TLN2: variants seen among roughly 807,000 people sequenced by gnomAD.
TLN2 encodes talin 2.
Under a neutral mutation model 294.7 loss-of-function variants are expected in TLN2, and 118 were observed. That is an observed-to-expected ratio of 0.40 (90% CI 0.34 to 0.47). TLN2 has a LOEUF of 0.47. Ranked by LOEUF, TLN2 falls within the 20% of genes least tolerant of loss-of-function variation. The pLI, the probability that TLN2 is intolerant of heterozygous loss-of-function variation, is 0.84. For synonymous variants in TLN2, 1,431 were observed against 1,304.5 expected, an observed-to-expected ratio of 1.10 and a Z score of -2.09; for missense variants, 3,083 against 3,282.2, an observed-to-expected ratio of 0.94 and a Z score of 1.48.
At position 62,655,590 on chromosome 15, in the gene TLN2, TGTCACCGTGGG is replaced by T. The variant is rs2053123605; in HGVS notation, c.518-353_518-343del. On this transcript the variant is annotated intron_variant, in intron 7 of 58. Coordinates refer to ENST00000636159, the MANE Select transcript of TLN2 (RefSeq NM_015059.3). ...CATATTATACATTCATTGTAGCACA[TGTCACCGTGGG>T]TTGGCTGGCACTGTCCCCTGCTCCA... Among the ~76,000 whole-genome samples, 2 of 11,466 alleles carry T rather than the reference TGTCACCGTGGG, an allele frequency of 1.7e-4. 1 individual carries two copies. Among genetic ancestry groups the T allele is most frequent in the Non-Finnish European group, 9.3e-3 (2 of 216 alleles). 7.5% of individuals were successfully genotyped at this position (11,466 alleles called of 152,430 possible).
At chr15:62,647,128 T>A in intron 3 of TLN2, 147 bp from the exon 4 acceptor site, 1 of 763,242 alleles carries the variant, frequency 1.3e-6, no homozygotes. Context: ...AAAATTTGTT[T>A]TGTACCTAAA....
chr15:62,501,695 G>C (rs2039317389), intron 1 of TLN2, among the ~76,000 whole-genome samples: 1 of 152,216 alleles, frequency 6.6e-6, no homozygotes, highest in African/African-American at 2.4e-5. Context: ...AGAACCTTTG[G>C]ATGTTGTTTT....
intron 1 of TLN2, among the ~76,000 whole-genome samples, chr15:62,548,762 T>C (rs1210454280): frequency 6.6e-6 from 1 of 152,206 alleles, no homozygotes; most frequent in East Asian, 1.9e-4. Flanking sequence ...GGCCAGATCC[T>C]GTGGCTGCTA....
chr15:62,611,320 C>T (rs2047895688), intron 2 of TLN2, among the ~76,000 whole-genome samples: 1 of 152,182 alleles, frequency 6.6e-6, no homozygotes, highest in African/African-American at 2.4e-5. Context: ...AACAGAAGCA[C>T]CTGCTGTTTT....
In TLN2 at chr15:62,817,236, T is replaced by C. The variant is rs113275408; in HGVS notation, c.6772-2280T>C. On this transcript the variant is annotated intron_variant, in intron 52 of 58. Transcript: ENST00000636159. ...TCCTTCTATTTCTCCATGGCTCTAG[T>C]GTTCTTTTGGAACTGGTCTAGGAAG... Among the ~76,000 whole-genome samples the C allele has an allele frequency of 5.4e-3, 829 of 152,352 alleles. 7 individuals carry two copies. The highest frequency in any genetic ancestry group is 0.014 in the Middle Eastern group (4 of 294).
intron 46 of TLN2, among the ~76,000 whole-genome samples, chr15:62,794,680 G>A (rs1373341325): frequency 6.6e-6 from 1 of 152,206 alleles, no homozygotes; most frequent in Admixed American, 6.5e-5. Context: ...AAAGGCAGAT[G>A]AGGAAGAGAA....
intron 1 of TLN2, among the ~76,000 whole-genome samples, chr15:62,429,824 G>T (rs2034919504): frequency 6.6e-6 from 1 of 152,072 alleles, no homozygotes; most frequent in African/African-American, 2.4e-5. Flanking sequence ...TAGTTTCCTT[G>T]GCAAAGATTA....
At chr15:62,468,778 TAAA>T (rs10551431) in intron 1 of TLN2, among the ~76,000 whole-genome samples, 3 of 149,666 alleles carry the variant, frequency 2.0e-5, no homozygotes, top group Non-Finnish European at 4.4e-5. Flanking sequence ...AATACAAAAA[TAAA>T]AAAAAAAATA....
intron 54 of TLN2, chr15:62,831,239 G>A (rs1022950416): frequency 6.6e-6 from 1 of 152,006 alleles, no homozygotes; most frequent in Non-Finnish European, 1.5e-5. Flanking sequence ...GGACTCGGGC[G>A]TGGAACCCAT....
chr15:62,713,929 A>ATATATATATATATATATGC (rs368958929), intron 22 of TLN2, among the ~76,000 whole-genome samples: 18 of 125,276 alleles, frequency 1.4e-4, no homozygotes, highest in Admixed American at 2.5e-4. Context: ...GTGTGTGTGT[A>ATATATATATATATATATGC]TGTGTGTGTG....
At chr15:62,612,400 C>G (rs1271966315) in intron 2 of TLN2, among the ~76,000 whole-genome samples, 2 of 152,166 alleles carry the variant, frequency 1.3e-5, no homozygotes, top group South Asian at 2.1e-4. Context: ...ATCCTTGGTC[C>G]CTATTGTACT....
chr15:62,686,562 G>T, intron 11 of TLN2, 79 bp from the exon 12 acceptor site: 3 of 1,512,222 alleles, frequency 2.0e-6, no homozygotes, highest in Non-Finnish European at 2.7e-6. Context: ...CAGGTGAAAG[G>T]TCAAAAAATC....
intron 1 of TLN2, among the ~76,000 whole-genome samples, chr15:62,538,240 C>T (rs189093434): frequency 6.6e-6 from 1 of 152,094 alleles, no homozygotes; most frequent in Non-Finnish European, 1.5e-5. Context: ...CACACACACA[C>T]AAAAACACCA....
intron 1 of TLN2, among the ~76,000 whole-genome samples, chr15:62,500,277 G>A (rs1414890775): frequency 6.6e-6 from 1 of 152,208 alleles, no homozygotes; most frequent in Non-Finnish European, 1.5e-5. Context: ...GATGGAGGTT[G>A]CAGTGAGCTG....
chr15:62,496,321 G>A (rs2039013364), intron 1 of TLN2, among the ~76,000 whole-genome samples: 1 of 151,990 alleles, frequency 6.6e-6, no homozygotes, highest in Non-Finnish European at 1.5e-5. Context: ...TAGTTCACAA[G>A]CCTGGCTGTG....
intron 3 of TLN2, among the ~76,000 whole-genome samples, chr15:62,646,958 C>T (rs2051938366): frequency 6.6e-6 from 1 of 152,170 alleles, no homozygotes; most frequent in Admixed American, 6.5e-5. Flanking sequence ...CTCCTAGGAC[C>T]TTCTCTCAGA....
chr15:62,781,181 C>G lies in TLN2; in HGVS notation c.5556C>G (p.Val1852=). 6.2e-7 allele frequency: 1 copy of G among 1,614,152 alleles called. No homozygotes were observed. The highest frequency in any genetic ancestry group is 1.3e-5 in the African/African-American group (1 of 75,030). ...CTCCAGAACCAAAGGGAACATTTGT[C>G]GACTATCAGACGACTGTGGTTAAAT... ...GTPPEPKGTF[V]DYQTTVVKYS... Residue 1852 remains valine (V), a synonymous_variant, in exon 44 of 59, where the codon GTC becomes GTG. Coordinates refer to ENST00000636159, the MANE Select transcript of TLN2 (RefSeq NM_015059.3).
Position 62,683,469 on chromosome 15 carries a change from G to A in TLN2, c.958-3172G>A, listed in dbSNP as rs866128943. Reference sequence around the variant, plus strand: ...ATTGGTAGAATGCCTGCATTCTCCCGCCTCTCATTGGTAGAATGCCTGCAT... The same window carrying A: ...ATTGGTAGAATGCCTGCATTCTCCCACCTCTCATTGGTAGAATGCCTGCAT... On this transcript the variant is annotated intron_variant, in intron 11 of 58. Transcript: ENST00000636159. Among the ~76,000 whole-genome samples the A allele has an allele frequency of 2.7e-3, 376 of 139,436 alleles. 1 individual carries two copies. Among genetic ancestry groups the A allele is most frequent in the African/African-American group, 9.5e-3 (349 of 36,802 alleles). 91.5% of individuals were successfully genotyped at this position (139,436 alleles called of 152,430 possible).
chr15:62,431,624 G>A (rs1263045945), intron 1 of TLN2, among the ~76,000 whole-genome samples: 1 of 152,172 alleles, frequency 6.6e-6, no homozygotes, highest in Non-Finnish European at 1.5e-5. Flanking sequence ...TGTTTGATTT[G>A]GTAGTTTAAG....
Sources: allele counts gnomAD v4.1 joint callset (sites outside exome capture counted in the v4.1 genomes callset), GRCh38; gene constraint gnomAD v4.1.1; transcripts MANE v1.5; gene names NCBI Gene and HGNC (gene_info 2026-07-23, HGNC 2026-07-21).